PDGFB: variants seen among roughly 807,000 people sequenced by gnomAD.
PDGFB encodes platelet derived growth factor subunit B.
In PDGFB, 6 loss-of-function variants were observed where a neutral mutation model predicts 29.0. The observed-to-expected ratio is 0.21, with a 90% confidence interval of 0.11 to 0.41. PDGFB has a LOEUF of 0.41. PDGFB is among the 10% of genes least tolerant of loss of function. The pLI is 1.00. For missense variants in PDGFB, 299 were observed against 341.8 expected (o/e 0.87, Z 0.99); for synonymous variants, 144 against 140.8 (o/e 1.02, Z -0.16).
intron 5 of PDGFB, among the ~76,000 whole-genome samples, chr22:39,226,507 C>A (rs751257641): frequency 1.3e-5 from 2 of 152,180 alleles, no homozygotes; most frequent in African/African-American, 4.8e-5. Flanking sequence ...CAGATGACCA[C>A]AGCCCAGGCC....
intron 5 of PDGFB, among the ~76,000 whole-genome samples, chr22:39,226,576 C>T (rs1185160976): frequency 1.3e-5 from 2 of 152,250 alleles, no homozygotes; most frequent in Non-Finnish European, 2.9e-5. Flanking sequence ...GCCCAGTCAA[C>T]CCCCAGACCT....
intron 2 of PDGFB, among the ~76,000 whole-genome samples, chr22:39,235,322 G>A (rs1478021797): frequency 1.3e-5 from 2 of 152,194 alleles, no homozygotes; most frequent in Non-Finnish European, 2.9e-5. Context: ...CACCGAGCAC[G>A]TGCCCATTCG....
In PDGFB at chr22:39,244,005, A is replaced by G; in HGVS notation, c.-42T>C. On this transcript the variant is annotated 5_prime_UTR_variant, in exon 1 of 7. Transcript: ENST00000331163. The surrounding 1 kb of genome is among the most constrained non-coding windows in gnomAD (Gnocchi z 4.5). ...GCCCCGCGGGGCCCCGGACGCGTAG[A>G]TCGAGCGCGCCGCCCCCGCGGCCAG... The G allele has an allele frequency of 1.7e-6, 2 of 1,181,132 alleles. No individual in the cohort carries two copies. Among genetic ancestry groups the G allele is most frequent in the Non-Finnish European group, 2.3e-6 (2 of 880,554 alleles). 73.2% of individuals were successfully genotyped at this position (1,181,132 alleles called of 1,614,324 possible). A position where few individuals can be genotyped will look rare whatever the true frequency, so the allele number is the denominator to read the frequency against.
At chr22:39,227,443 G>A (rs548685365) in intron 5 of PDGFB, among the ~76,000 whole-genome samples, 147 of 152,352 alleles carry the variant, frequency 9.6e-4, no homozygotes, top group Non-Finnish European at 1.8e-3. Flanking sequence ...GCCTCCTAGC[G>A]TTAGGAGACA....
chr22:39,226,836 A>C (rs1276263188), intron 5 of PDGFB, among the ~76,000 whole-genome samples: 1 of 152,214 alleles, frequency 6.6e-6, no homozygotes, highest in Non-Finnish European at 1.5e-5. Context: ...GAGAAATGGT[A>C]GAGTGGGATG....
At chr22:39,225,660 G>C (rs1462411893) in intron 6 of PDGFB, 35 bp downstream of exon 6, 2 of 1,571,492 alleles carry the variant, frequency 1.3e-6, no homozygotes, top group African/African-American at 1.4e-5. Flanking sequence ...GAAAACACAG[G>C]ATTCTGGGCC....
At chr22:39,240,100 T>G (rs903259847) in intron 1 of PDGFB, among the ~76,000 whole-genome samples, 1 of 152,228 alleles carries the variant, frequency 6.6e-6, no homozygotes. Flanking sequence ...CCACCTAGCA[T>G]TCCCCTTCTT....
At chr22:39,237,493 G>A (rs1022019708) in intron 1 of PDGFB, among the ~76,000 whole-genome samples, 2 of 152,194 alleles carry the variant, frequency 1.3e-5, no homozygotes, top group Admixed American at 6.6e-5. Context: ...GGGGCTGCAC[G>A]TGCAAGACAG....
rs544614266 is a variant in PDGFB, at chr22:39,226,723, G to A, written c.602-876C>T. On this transcript the variant is annotated intron_variant, in intron 5 of 6. Coordinates refer to ENST00000331163, the MANE Select transcript of PDGFB (RefSeq NM_002608.4). ...CAACCTCTCAGCCCCGTCCGATCAC[G>A]TGGTGTGGAGGCCACTGGGCTCTGG... is the stretch of plus-strand genomic sequence containing the variant. 8.3e-4 allele frequency among the ~76,000 whole-genome samples: 126 copies of A among 152,274 alleles called. 3 individuals carry two copies. The South Asian group carries it at 1.0e-2, about 12-fold the overall frequency.
intron 3 of PDGFB, among the ~76,000 whole-genome samples, chr22:39,232,632 G>A (rs1242437306): frequency 6.6e-6 from 1 of 152,200 alleles, no homozygotes; most frequent in African/African-American, 2.4e-5. Context: ...ATGGACTACA[G>A]GAACCTGCCA....
At chr22:39,238,689 G>A (rs1421263405) in intron 1 of PDGFB, among the ~76,000 whole-genome samples, 1 of 152,256 alleles carries the variant, frequency 6.6e-6, no homozygotes, top group African/African-American at 2.4e-5. Flanking sequence ...ACCATGGGGC[G>A]TCTCAGCCTC....
At chr22:39,230,908 C>T (rs1057499015) in intron 4 of PDGFB, among the ~76,000 whole-genome samples, 1 of 152,226 alleles carries the variant, frequency 6.6e-6, no homozygotes, top group Non-Finnish European at 1.5e-5. Flanking sequence ...AATCTTTCCA[C>T]AAGAAGCAGA....
intron 1 of PDGFB, among the ~76,000 whole-genome samples, chr22:39,237,857 A>G (rs1214350041): frequency 6.6e-6 from 1 of 152,200 alleles, no homozygotes; most frequent in Non-Finnish European, 1.5e-5. Context: ...TTCAATTCTA[A>G]TTCTGCCAGG....
At chr22:39,233,136 C>A (rs759958146) in intron 3 of PDGFB, among the ~76,000 whole-genome samples, 1 of 152,220 alleles carries the variant, frequency 6.6e-6, no homozygotes, top group Non-Finnish European at 1.5e-5. Flanking sequence ...CTCTGGGCCC[C>A]AGTTTCCAAC....
intron 2 of PDGFB, among the ~76,000 whole-genome samples, chr22:39,234,987 G>A (rs185132752): frequency 1.3e-5 from 2 of 152,168 alleles, no homozygotes; most frequent in Non-Finnish European, 2.9e-5. Flanking sequence ...GGCCCAGCTG[G>A]GGCCCCCTCC....
chr22:39,243,877 GC>G lies in PDGFB; in HGVS notation c.63+23del. 1 of 1,587,964 alleles carries G rather than the reference GC, an allele frequency of 6.3e-7. No homozygotes were observed. Among genetic ancestry groups the G allele is most frequent in the Non-Finnish European group, 8.6e-7 (1 of 1,165,218 alleles). On this transcript the variant is annotated intron_variant, in intron 1 of 6. Transcript: ENST00000331163. The surrounding 1 kb of genome is among the most constrained non-coding windows in gnomAD (Gnocchi z 6.4). ...GGCGAAGGTAATGAATGAAGAACCA[GC>G]CCCAGCCGCCGTGGCAACTCACCTC...
At chr22:39,235,697 G>C in intron 2 of PDGFB, 81 bp downstream of exon 2, 1 of 969,854 alleles carries the variant, frequency 1.0e-6, no homozygotes, top group Non-Finnish European at 1.6e-6. Context: ...TCAAGAAGGA[G>C]GGATGCCTCC....
intron 5 of PDGFB, among the ~76,000 whole-genome samples, chr22:39,227,854 C>T (rs780149457): frequency 1.4e-4 from 22 of 152,226 alleles, no homozygotes; most frequent in Non-Finnish European, 2.9e-4. Flanking sequence ...CCAGCTCCCA[C>T]GAGGCAGCTC....
At chr22:39,228,393 A>G (rs903958398) in intron 5 of PDGFB, among the ~76,000 whole-genome samples, 3 of 151,772 alleles carry the variant, frequency 2.0e-5, no homozygotes, top group Admixed American at 6.6e-5. Context: ...GTTAGAGACC[A>G]GCCTGAGCAA....
Sources: allele counts gnomAD v4.1 joint callset (sites outside exome capture counted in the v4.1 genomes callset), GRCh38; gene constraint gnomAD v4.1.1; non-coding constraint Gnocchi (gnomAD v3.1); transcripts MANE v1.5; gene names NCBI Gene and HGNC (gene_info 2026-07-23, HGNC 2026-07-21).